The following PACRG variants were observed in gnomAD, a reference collection of about 807,000 sequenced individuals.
The protein encoded by PACRG is parkin coregulated gene protein.
In PACRG, 29 loss-of-function variants were observed where a neutral mutation model predicts 29.7. The ratio of observed to expected loss-of-function variants is 0.98; its 90% CI spans 0.73 to 1.33. The LOEUF (loss-of-function observed/expected upper bound fraction) is 1.33, where lower values mean the gene tolerates loss of function less well. Among genes scored for constraint, PACRG ranks in the 40% most tolerant of loss-of-function variants. The probability of loss-of-function intolerance (pLI) is 0.00; values close to 1 mark genes in which losing one functional copy is unlikely to be tolerated. For synonymous variants in PACRG, 116 were observed against 118.7 expected, an observed-to-expected ratio of 0.98 and a Z score of 0.15; for missense variants, 279 against 316.2, an observed-to-expected ratio of 0.88 and a Z score of 0.89.
intron 4 of PACRG, among the ~76,000 whole-genome samples, chr6:163,207,649 G>T (rs983653888): frequency 6.6e-5 from 10 of 152,084 alleles, no homozygotes; most frequent in Admixed American, 1.3e-4. Flanking sequence ...CACACTTAAC[G>T]CCCAGCACTC....
rs184185019 is a variant in PACRG at position 163,115,800 on chromosome 6, A to G, written c.613+26392A>G. 1.9e-3 allele frequency among the ~76,000 whole-genome samples: 289 copies of G among 152,302 alleles called. 1 individual carries two copies. The highest frequency in any genetic ancestry group is 6.5e-3 in the African/African-American group (272 of 41,564). On this transcript the variant is annotated intron_variant, in intron 4 of 4. Transcript: ENST00000366888. ...ACACTCTGGAGAGACCATGAGATCA[A>G]ACATAAGAATCCTGCATTCCTCTGT...
At chr6:162,761,632 A>T (rs1345260485) in intron 1 of PACRG, among the ~76,000 whole-genome samples, 5 of 152,134 alleles carry the variant, frequency 3.3e-5, no homozygotes, top group African/African-American at 7.2e-5. Context: ...AACACCCAGT[A>T]GAGTGAATTT....
chr6:163,187,035 C>T (rs1052435365), intron 4 of PACRG, among the ~76,000 whole-genome samples: 1 of 152,190 alleles, frequency 6.6e-6, no homozygotes, highest in Non-Finnish European at 1.5e-5. Context: ...GAGACACCCC[C>T]CGTCCTCAAG....
intron 4 of PACRG, among the ~76,000 whole-genome samples, chr6:163,115,159 A>G (rs946897998): frequency 2.6e-5 from 4 of 152,166 alleles, no homozygotes; most frequent in Non-Finnish European, 5.9e-5. Flanking sequence ...TCATAAAATC[A>G]ATACTTAATG....
chr6:163,239,841 T>TACACAC (rs3064934), intron 4 of PACRG, among the ~76,000 whole-genome samples: 1 of 124,600 alleles, frequency 8.0e-6, no homozygotes, highest in Admixed American at 8.4e-5. Flanking sequence ...CACACTCACA[T>TACACAC]ACACACACAC....
At chr6:163,135,090 T>G (rs1554369419) in intron 4 of PACRG, among the ~76,000 whole-genome samples, 1 of 152,224 alleles carries the variant, frequency 6.6e-6, no homozygotes, top group Non-Finnish European at 1.5e-5. Flanking sequence ...TAAAGAACAG[T>G]ATAATAATAC....
chr6:162,875,410 T>C (rs1793251204), intron 2 of PACRG, among the ~76,000 whole-genome samples: 2 of 151,562 alleles, frequency 1.3e-5, no homozygotes, highest in African/African-American at 2.4e-5. Flanking sequence ...CACACAGACA[T>C]TCCCACACAG....
At chr6:163,086,942 T>TA in intron 3 of PACRG, among the ~76,000 whole-genome samples, 1 of 152,048 alleles carries the variant, frequency 6.6e-6, no homozygotes, top group African/African-American at 2.4e-5. Context: ...GGCTGTGGTA[T>TA]AAAAACACTT....
At position 163,005,921 on chromosome 6, in the gene PACRG, G is replaced by GTA. The variant is rs550831853; in HGVS notation, c.292-56220_292-56219dup. Among the ~76,000 whole-genome samples, 130 of 144,822 alleles carry GTA rather than the reference G, an allele frequency of 9.0e-4. 1 individual carries two copies. The highest frequency in any genetic ancestry group is 3.1e-3 in the African/African-American group (125 of 39,840). On this transcript the variant is annotated intron_variant, in intron 2 of 4. Transcript: ENST00000366888. ...GTTATACGTGTTATATATATAACAT[G>GTA]TATATATATAACATGTATAACAGTT... is the stretch of plus-strand genomic sequence containing the variant.
At chr6:162,979,023 A>T (rs538856248) in intron 2 of PACRG, among the ~76,000 whole-genome samples, 1 of 152,362 alleles carries the variant, frequency 6.6e-6, no homozygotes, top group East Asian at 1.9e-4. Flanking sequence ...TTTAATTAAA[A>T]GCAATTGTAA....
intron 4 of PACRG, among the ~76,000 whole-genome samples, chr6:163,246,446 C>T (rs1001474346): frequency 1.3e-5 from 2 of 151,862 alleles, no homozygotes; most frequent in African/African-American, 4.8e-5. Context: ...GTGATCCAGA[C>T]CTACAGGCTC....
chr6:162,872,840 A>C lies in PACRG; in HGVS notation c.291+58559A>C, dbSNP rs573291364. On this transcript the variant is annotated intron_variant, in intron 2 of 4. Coordinates refer to ENST00000366888, the MANE Select transcript of PACRG (RefSeq NM_001080379.2). The stretch of plus-strand genomic sequence containing the variant: ...CCAAGCACAGTTTGCATAAAGAGAC[A>C]TGAATAGAGTTTCAGGGAATGAGCG... Among the ~76,000 whole-genome samples, 3 of 152,304 alleles carry C rather than the reference A, an allele frequency of 2.0e-5. No individual in the cohort carries two copies. The East Asian group carries it at 5.8e-4, about 29-fold the overall frequency.
intron 4 of PACRG, among the ~76,000 whole-genome samples, chr6:163,153,306 A>T (rs1012441075): frequency 6.6e-6 from 1 of 152,280 alleles, no homozygotes; most frequent in Admixed American, 6.5e-5. Flanking sequence ...GTGCCCTGTG[A>T]GGGAAGGGGT....
intron 2 of PACRG, among the ~76,000 whole-genome samples, chr6:162,911,762 G>A (rs1796318467): frequency 6.6e-6 from 1 of 152,152 alleles, no homozygotes; most frequent in African/African-American, 2.4e-5. Context: ...GGTGTAGGGA[G>A]AGGGTAAACC....
intron 1 of PACRG, among the ~76,000 whole-genome samples, chr6:162,734,160 T>C: frequency 6.6e-6 from 1 of 152,228 alleles, no homozygotes; most frequent in East Asian, 1.9e-4. Context: ...GTTATATAGA[T>C]ATTAAATCTA....
At chr6:162,784,827 T>C (rs1178894819) in intron 1 of PACRG, among the ~76,000 whole-genome samples, 2 of 152,184 alleles carry the variant, frequency 1.3e-5, no homozygotes, top group African/African-American at 4.8e-5. Context: ...TTGCTACTCT[T>C]GGTGCTTTCA....
At chr6:163,254,103 G>A (rs774342333) in intron 4 of PACRG, among the ~76,000 whole-genome samples, 2 of 152,184 alleles carry the variant, frequency 1.3e-5, no homozygotes, top group African/African-American at 2.4e-5. Context: ...CTTGGGCATC[G>A]GGACAGCAGC....
At position 162,777,743 on chromosome 6, in the gene PACRG, T is replaced by C. The variant is rs1381751687; in HGVS notation, c.157-36404T>C. 6.6e-6 allele frequency among the ~76,000 whole-genome samples: 1 copy of C among 152,178 alleles called. No homozygotes were observed. Among genetic ancestry groups the C allele is most frequent in the Admixed American group, 6.5e-5 (1 of 15,284 alleles). On this transcript the variant is annotated intron_variant, in intron 1 of 4. Transcript: ENST00000366888. This position sits in a 1 kb window ranked among gnomAD's most constrained non-coding sequence, Gnocchi z 4.0. ...AATATTAACATATTCTGGAGCATCT[T>C]AAGGAAGACAGCCTTATAACTGAAT...
intron 1 of PACRG, 69 bp downstream of exon 1, chr6:162,728,460 C>A: frequency 1.3e-6 from 2 of 1,568,686 alleles, no homozygotes; most frequent in Non-Finnish European, 1.7e-6. Flanking sequence ...AGAGGTTGGC[C>A]AGCCTTAGGA....
Sources: gnomAD v4.1 joint callset for allele counts (sites outside exome capture counted in the v4.1 genomes callset) on GRCh38, gnomAD v4.1.1 for gene constraint, Gnocchi (gnomAD v3.1) non-coding constraint, MANE v1.5 for transcripts, NCBI Gene and HGNC (gene_info 2026-07-23, HGNC 2026-07-21) for gene names.